The following FAF1 variants were observed in gnomAD, a reference collection of about 807,000 sequenced individuals.
FAF1 encodes the protein FAS-associated factor 1.
FAF1 carries 25 observed loss-of-function variants against 92.5 expected under a neutral mutation model. That is an observed-to-expected ratio of 0.27 (90% CI 0.20 to 0.38). The LOEUF (loss-of-function observed/expected upper bound fraction) is 0.38, where lower values mean the gene tolerates loss of function less well. Among genes scored for constraint, FAF1 ranks in the 10% least tolerant of loss-of-function variants. FAF1 has a pLI of 1.00. For synonymous variants in FAF1, 234 were observed against 273.2 expected (o/e 0.86, Z 1.42); for missense variants, 636 against 793.3 (o/e 0.80, Z 2.38).
At chr1:50,534,141 C>T (rs1240951633) in intron 15 of FAF1, among the ~76,000 whole-genome samples, 1 of 152,092 alleles carries the variant, frequency 6.6e-6, no homozygotes, top group African/African-American at 2.4e-5. Context: ...GAAGCTATTC[C>T]CTACTTTCCT....
At chr1:50,864,508 C>T (rs1226713543) in intron 1 of FAF1, among the ~76,000 whole-genome samples, 1 of 151,978 alleles carries the variant, frequency 6.6e-6, no homozygotes, top group Non-Finnish European at 1.5e-5. Context: ...ATCAATGGAA[C>T]AGAACAGAGC....
chr1:50,704,206 T>C (rs1657584401), intron 7 of FAF1, among the ~76,000 whole-genome samples: 1 of 152,138 alleles, frequency 6.6e-6, no homozygotes, highest in Admixed American at 6.5e-5. Context: ...ATTTTTAGGC[T>C]ATCTGCTGAA....
chr1:50,919,650 G>A (rs1228436419), intron 1 of FAF1, among the ~76,000 whole-genome samples: 1 of 152,030 alleles, frequency 6.6e-6, no homozygotes, highest in East Asian at 1.9e-4. Context: ...ACCACGTCTG[G>A]CTAATTTTTT....
At chr1:50,852,689 T>A (rs867782809) in intron 2 of FAF1, among the ~76,000 whole-genome samples, 1 of 152,182 alleles carries the variant, frequency 6.6e-6, no homozygotes. Context: ...CCTTAACAGC[T>A]ATGTGAGCTT....
chr1:50,563,681 G>T (rs17106288), intron 13 of FAF1, among the ~76,000 whole-genome samples: 3,638 of 152,250 alleles, frequency 0.024, 148 homozygotes, highest in African/African-American at 0.082. Flanking sequence ...TTAAAAAAGT[G>T]CCTTGTTTAC....
At chr1:50,941,487 G>A (rs919250788) in intron 1 of FAF1, among the ~76,000 whole-genome samples, 2 of 152,142 alleles carry the variant, frequency 1.3e-5, no homozygotes, top group Non-Finnish European at 1.5e-5. Flanking sequence ...AAACTGTTGA[G>A]ATTACAGGCA....
In FAF1 at chr1:50,719,227, T is replaced by C. The variant is rs377727552; in HGVS notation, c.552-13336A>G. ...CACAACTGAAACTAGGTTTTGCTCC[T>C]GTCCAGCTAAACTAACATATACTAA... On this transcript the variant is annotated intron_variant, in intron 6 of 18. Coordinates refer to ENST00000396153, the MANE Select transcript of FAF1 (RefSeq NM_007051.3). Among the ~76,000 whole-genome samples the C allele has an allele frequency of 1.1e-4, 17 of 152,368 alleles. No individual in the cohort carries two copies. The East Asian group carries it at 2.9e-3, about 26-fold the overall frequency.
intron 15 of FAF1, among the ~76,000 whole-genome samples, chr1:50,505,550 T>C (rs1218330484): frequency 1.3e-5 from 2 of 152,176 alleles, no homozygotes; most frequent in African/African-American, 2.4e-5. Flanking sequence ...GATAAGACAA[T>C]AGAAAAATGC....
chr1:50,602,810 T>A (rs1458293234), intron 8 of FAF1, among the ~76,000 whole-genome samples: 1 of 152,146 alleles, frequency 6.6e-6, no homozygotes, highest in Non-Finnish European at 1.5e-5. Context: ...CCTAAAGTAT[T>A]GCTTTTTGAC....
At chr1:50,601,955 T>G (rs1197192216) in intron 8 of FAF1, among the ~76,000 whole-genome samples, 1 of 152,152 alleles carries the variant, frequency 6.6e-6, no homozygotes, top group Non-Finnish European at 1.5e-5. Context: ...AAACCTGTTA[T>G]GGGACCTTGG....
chr1:50,808,420 G>A (rs80117673), intron 2 of FAF1, among the ~76,000 whole-genome samples: 8 of 152,020 alleles, frequency 5.3e-5, no homozygotes, highest in African/African-American at 1.2e-4. Flanking sequence ...TATTAACCTC[G>A]TATGTAAATG....
intron 3 of FAF1, among the ~76,000 whole-genome samples, chr1:50,799,665 T>C (rs964565265): frequency 5.3e-5 from 8 of 152,206 alleles, no homozygotes; most frequent in Non-Finnish European, 1.2e-4. Flanking sequence ...TTGCTTTATA[T>C]AGTAATTTAT....
intron 2 of FAF1, among the ~76,000 whole-genome samples, chr1:50,836,362 A>T (rs1644205279): frequency 6.6e-6 from 1 of 151,774 alleles, no homozygotes; most frequent in African/African-American, 2.4e-5. Context: ...AAAACATTCT[A>T]AAATCATGGA....
intron 2 of FAF1, among the ~76,000 whole-genome samples, chr1:50,849,542 G>A (rs997331567): frequency 6.6e-6 from 1 of 152,104 alleles, no homozygotes; most frequent in Non-Finnish European, 1.5e-5. Flanking sequence ...CATAGAATTT[G>A]TGAGAGTGCT....
chr1:50,540,735 T>C (rs531569762), intron 13 of FAF1, among the ~76,000 whole-genome samples: 1 of 152,316 alleles, frequency 6.6e-6, no homozygotes, highest in African/African-American at 2.4e-5. Flanking sequence ...GTAAATGTCA[T>C]AATAATAATG....
intron 2 of FAF1, among the ~76,000 whole-genome samples, chr1:50,828,519 T>C (rs922970629): frequency 4.6e-5 from 7 of 152,164 alleles, no homozygotes; most frequent in African/African-American, 7.2e-5. Context: ...TCTGCCCACC[T>C]TGGCCTTCCA....
intron 12 of FAF1, among the ~76,000 whole-genome samples, chr1:50,581,065 C>T (rs1056495808): frequency 6.6e-6 from 1 of 152,224 alleles, no homozygotes; most frequent in Non-Finnish European, 1.5e-5. Flanking sequence ...TGAGCCATCA[C>T]ATCCAGCCCA....
At chr1:50,957,888 G>T (rs775279948) in intron 1 of FAF1, among the ~76,000 whole-genome samples, 5 of 152,164 alleles carry the variant, frequency 3.3e-5, no homozygotes, top group Non-Finnish European at 7.3e-5. Context: ...AGACAATTTT[G>T]TAACACGGTA....
intron 9 of FAF1, 49 bp downstream of exon 9, chr1:50,596,072 G>C: frequency 8.1e-7 from 1 of 1,237,232 alleles, no homozygotes; most frequent in Non-Finnish European, 1.2e-6. Flanking sequence ...TGCGCAGGTA[G>C]GTGGGGGATG....
Sources: allele counts gnomAD v4.1 joint callset (sites outside exome capture counted in the v4.1 genomes callset), GRCh38; gene constraint gnomAD v4.1.1; transcripts MANE v1.5; gene names NCBI Gene and HGNC (gene_info 2026-07-23, HGNC 2026-07-21).